Variants in COQ8B observed in about 807,000 individuals in gnomAD.
The protein encoded by COQ8B is atypical kinase COQ8B, mitochondrial.
COQ8B carries 44 observed loss-of-function variants against 62.0 expected under a neutral mutation model. The observed-to-expected ratio is 0.71, with a 90% CI of 0.56 to 0.91. COQ8B has a LOEUF of 0.91. Ranked by LOEUF, COQ8B falls within the 40% of genes least tolerant of loss-of-function variation. COQ8B has a pLI of 0.00. For synonymous variants in COQ8B, 252 were observed against 289.9 expected (o/e 0.87, Z 1.33); for missense variants, 649 against 731.6 (o/e 0.89, Z 1.30).
chr19:40,695,883 T>G (rs544444000), intron 13 of COQ8B, 106 bp downstream of exon 13: 5 of 1,162,332 alleles, frequency 4.3e-6, no homozygotes, highest in Non-Finnish European at 5.2e-6. Context: ...CTATTATTTA[T>G]TATTTCTTAA....
intron 4 of COQ8B, among the ~76,000 whole-genome samples, chr19:40,710,880 C>A (rs917945264): frequency 2.0e-5 from 3 of 152,120 alleles, no homozygotes; most frequent in African/African-American, 7.2e-5. Context: ...GCCTATGATC[C>A]CAGCACTTTG....
chr19:40,708,771 T>C (rs1446667610), intron 5 of COQ8B, among the ~76,000 whole-genome samples: 5 of 146,934 alleles, frequency 3.4e-5, no homozygotes, highest in African/African-American at 1.4e-4. Flanking sequence ...CTACAAAAAA[T>C]ACAAAAAATT....
chr19:40,706,945 C>T (rs911706103), intron 5 of COQ8B, among the ~76,000 whole-genome samples: 1 of 152,142 alleles, frequency 6.6e-6, no homozygotes, highest in East Asian at 1.9e-4. Flanking sequence ...GCAAGCATCA[C>T]CAGAATCAAT....
Position 40,705,308 on chromosome 19 carries a change from C to T in COQ8B, c.490+17G>A, listed in dbSNP as rs751178358. On this transcript the variant is annotated intron_variant, in intron 6 of 14. Coordinates refer to ENST00000324464, the MANE Select transcript of COQ8B (RefSeq NM_024876.4). ...AGAAGGGAGGTCAGGGGTCAGGAGT[C>T]GAGGGTCATGCTGTACCCTGGATGC... The T allele has an allele frequency of 1.2e-4, 190 of 1,585,386 alleles. No individual in the cohort carries two copies. The highest frequency in any genetic ancestry group is 3.6e-4 in the Admixed American group (21 of 58,326).
chr19:40,708,008 T>G (rs1278870056), intron 5 of COQ8B: 7 of 152,238 alleles, frequency 4.6e-5, no homozygotes, highest in Admixed American at 2.0e-4. Context: ...TACCTGGGTT[T>G]ATATGCAAAT....
intron 12 of COQ8B, among the ~76,000 whole-genome samples, chr19:40,697,764 C>T (rs1471489684): frequency 6.7e-6 from 1 of 148,924 alleles, no homozygotes; most frequent in East Asian, 2.0e-4. Context: ...CCACTGCACT[C>T]CAGCCTCCAT....
Position 40,692,284 on chromosome 19 carries a change from C to G in COQ8B, c.1386G>C (p.Thr462=), listed in dbSNP as rs778994676. ...GGATGAGGTCCTGTATGCGGCGGGCCGTTTCCCCCGACCCAAAGTCATAAG... is the reference window on the plus strand; with the variant it reads ...GGATGAGGTCCTGTATGCGGCGGGCGGTTTCCCCCGACCCAAAGTCATAAG... ...QGPYDFGSGE[T]ARRIQDLIPV... The change falls in exon 15 of 15, where the codon ACG becomes ACC. Residue 462 remains threonine (T), a synonymous_variant. Transcript: ENST00000324464. 23 of 1,613,484 alleles carry G rather than the reference C, an allele frequency of 1.4e-5. No individual in the cohort carries two copies. Among genetic ancestry groups the G allele is most frequent in the Admixed American group, 3.3e-5 (2 of 59,968 alleles).
intron 7 of COQ8B, 77 bp downstream of exon 7, chr19:40,705,019 G>T (rs1391432801): frequency 5.8e-6 from 8 of 1,375,286 alleles, no homozygotes; most frequent in Non-Finnish European, 6.9e-6. Flanking sequence ...GAGTGGGGCA[G>T]TGAAGCCAGG....
At chr19:40,697,847 T>TAGAG (rs1349238558) in intron 12 of COQ8B, among the ~76,000 whole-genome samples, 329 of 56,836 alleles carry the variant, frequency 5.8e-3, no homozygotes, top group South Asian at 0.019. Context: ...TATATATATA[T>TAGAG]ATATAGAGAG....
Position 40,710,118 on chromosome 19 carries a change from C to G in COQ8B, c.308G>C (p.Gly103Ala). 6.2e-7 allele frequency: 1 copy of G among 1,614,108 alleles called. No individual in the cohort carries two copies. The highest frequency in any genetic ancestry group is 8.5e-7 in the Non-Finnish European group (1 of 1,179,978). Reference sequence around the variant, plus strand: ...AGCCATCTCGGCCAGTACTCCTAGCCCCAAGCCCACAGCCAGTCCTGGAGT... The same window carrying G: ...AGCCATCTCGGCCAGTACTCCTAGCGCCAAGCCCACAGCCAGTCCTGGAGT... ...ANFGGLAVGL[G>A]LGVLAEMAKK... Residue 103 changes from glycine (G) to alanine (A), a missense_variant, in exon 5 of 15, where the codon GGG becomes GCG. By Grantham distance (60) the Gly-to-Ala change is moderately conservative. Coordinates refer to ENST00000324464, the MANE Select transcript of COQ8B (RefSeq NM_024876.4).
chr19:40,692,892 GC>G, intron 14 of COQ8B, 58 bp downstream of exon 14: 1 of 1,481,076 alleles, frequency 6.8e-7, no homozygotes, highest in Non-Finnish European at 9.4e-7. Context: ...GAGATAAGCA[GC>G]CCCCCACTGC....
intron 13 of COQ8B, 73 bp from the exon 14 acceptor site, chr19:40,693,110 G>T: frequency 7.4e-7 from 1 of 1,345,958 alleles, no homozygotes; most frequent in Non-Finnish European, 1.1e-6. Flanking sequence ...GGAGCTGGAA[G>T]CCTGGGCCTC....
chr19:40,715,292 G>A, intron 1 of COQ8B: 1 of 986,032 alleles, frequency 1.0e-6, no homozygotes, highest in Non-Finnish European at 1.2e-6. Flanking sequence ...CATCGCGGGA[G>A]CGCAAGCGTG....
intron 1 of COQ8B, chr19:40,715,703 C>A: frequency 2.5e-6 from 2 of 809,302 alleles, no homozygotes; most frequent in Non-Finnish European, 1.5e-6. Flanking sequence ...CGCTCCCCGC[C>A]CACCTGCGGA....
intron 9 of COQ8B, among the ~76,000 whole-genome samples, chr19:40,703,076 C>T (rs2288451): frequency 0.46 from 69,636 of 151,918 alleles, 16,273 homozygotes; most frequent in Admixed American, 0.55. Flanking sequence ...AGAGTCACGC[C>T]TGCCTCTATT....
At chr19:40,713,183 G>A (rs1216908852) in intron 4 of COQ8B, among the ~76,000 whole-genome samples, 2 of 152,202 alleles carry the variant, frequency 1.3e-5, no homozygotes. Context: ...CCAACATGGT[G>A]AAATTCTGTC....
chr19:40,692,074 G>A lies in COQ8B; in HGVS notation c.1596C>T (p.Ser532=). 1.9e-6 allele frequency: 3 copies of A among 1,608,274 alleles called. No individual in the cohort carries two copies. The highest frequency in any genetic ancestry group is 2.5e-6 in the Non-Finnish European group (3 of 1,177,558). ...SRQPDAATAG[S]LPTKGDSWVD... ...CCCAGGAGTCCCCTTTGGTGGGGAG[G>A]CTGCCGGCAGTGGCTGCGTCTGGCT... is the stretch of plus-strand genomic sequence containing the variant. The change falls in exon 15 of 15, where the codon AGC becomes AGT. Residue 532 remains serine (S), a synonymous_variant. Coordinates refer to ENST00000324464, the MANE Select transcript of COQ8B (RefSeq NM_024876.4).
rs1452429975 is a variant in COQ8B, at chr19:40,692,133, G to A, written c.1537C>T (p.Gln513Ter). ...GCCCAGTAGCGGTGGTAGGTGTCCT[G>A]GAAGAGGTCCCTGCAGGCGATGTGG... The part of the protein sequence containing the change: ...RAHIACRDLF[Q>*]DTYHRYWASR... The change falls in exon 15 of 15, where the codon CAG (glutamine) becomes TAG (stop). Residue 513 changes from glutamine (Q) to a stop codon, truncating the protein, a stop_gained. Coordinates refer to ENST00000324464, the MANE Select transcript of COQ8B (RefSeq NM_024876.4). LOFTEE classifies it low-confidence loss of function (END_TRUNC). 6.2e-7 allele frequency: 1 copy of A among 1,605,690 alleles called. No homozygotes were observed. Among genetic ancestry groups the A allele is most frequent in the African/African-American group, 1.3e-5 (1 of 74,770 alleles).
chr19:40,692,889 G>A (rs2144678645), intron 14 of COQ8B, 62 bp downstream of exon 14: 2 of 1,472,636 alleles, frequency 1.4e-6, no homozygotes, highest in East Asian at 2.3e-5. Context: ...GTGGAGATAA[G>A]CAGCCCCCCA....
Sources: gnomAD v4.1 joint callset for allele counts (sites outside exome capture counted in the v4.1 genomes callset) on GRCh38, gnomAD v4.1.1 for gene constraint, MANE v1.5 for transcripts, NCBI Gene and HGNC (gene_info 2026-07-23, HGNC 2026-07-21) for gene names.